C5orf63: variants seen among roughly 807,000 people sequenced by gnomAD.
The protein encoded by C5orf63 is glutaredoxin-like protein C5orf63.
Under a neutral mutation model 13.3 loss-of-function variants are expected in C5orf63, and 18 were observed. That is an observed-to-expected ratio of 1.36 (90% CI 0.94 to 2.01). The LOEUF (loss-of-function observed/expected upper bound fraction) is 2.01, where lower values mean the gene tolerates loss of function less well. C5orf63 is among the 30% of genes most tolerant of loss of function. C5orf63 has a pLI of 0.00. For synonymous variants in C5orf63, 38 were observed against 44.7 expected (o/e 0.85, Z 0.60); for missense variants, 118 against 127.7 (o/e 0.92, Z 0.36).
exon 5 of C5orf63, chr5:127,045,703 C>T (rs1425520230): frequency 6.6e-6 from 1 of 152,190 alleles, no homozygotes; most frequent in Non-Finnish European, 1.5e-5. Flanking sequence ...CATCCTAACT[C>T]TCTTGCTATT....
chr5:127,072,743 C>G (rs1225710286), intron 1 of C5orf63, among the ~76,000 whole-genome samples: 1 of 152,174 alleles, frequency 6.6e-6, no homozygotes, highest in Non-Finnish European at 1.5e-5. Flanking sequence ...GAAAGACAGC[C>G]TTAGAAACAG....
chr5:127,046,077 C>A (rs1322317007), exon 5 of C5orf63: 2 of 152,348 alleles, frequency 1.3e-5, no homozygotes, highest in African/African-American at 4.8e-5. Flanking sequence ...TCCAACCATA[C>A]TCAGTGGGCT....
chr5:127,072,998 T>G (rs1754612277), intron 1 of C5orf63: 1 of 152,116 alleles, frequency 6.6e-6, no homozygotes, highest in African/African-American at 2.4e-5. Flanking sequence ...CTTTCAACCT[T>G]TTCACCCCAA....
downstream of C5orf63, among the ~76,000 whole-genome samples, chr5:127,049,008 A>C (rs1753592819): frequency 6.6e-6 from 1 of 152,122 alleles, no homozygotes; most frequent in Non-Finnish European, 1.5e-5. Flanking sequence ...CAGACACACA[A>C]GTGGAGGACT....
intron 3 of C5orf63, among the ~76,000 whole-genome samples, chr5:127,053,774 T>C (rs1190661767): frequency 6.6e-6 from 1 of 152,366 alleles, no homozygotes; most frequent in East Asian, 1.9e-4. Flanking sequence ...CATCCTTTTT[T>C]ATGGCTGCAT....
intron 3 of C5orf63, among the ~76,000 whole-genome samples, chr5:127,057,470 G>A (rs890770724): frequency 2.6e-5 from 4 of 152,116 alleles, no homozygotes; most frequent in Non-Finnish European, 5.9e-5. Context: ...ATAATTTCAG[G>A]GAGATAAAGC....
intron 2 of C5orf63, among the ~76,000 whole-genome samples, chr5:127,064,689 G>T (rs548913718): frequency 4.7e-4 from 72 of 152,304 alleles, no homozygotes; most frequent in Middle Eastern, 3.4e-3. Flanking sequence ...CAAAGAATCA[G>T]TCTCCAGAAA....
intron 3 of C5orf63, 33 bp downstream of exon 3, chr5:127,058,849 T>C (rs1210871016): frequency 1.5e-6 from 2 of 1,373,414 alleles, no homozygotes; most frequent in African/African-American, 2.9e-5. Flanking sequence ...TACAACTTTC[T>C]TCACCCAACA....
At chr5:127,066,068 C>T (rs987674529) in intron 2 of C5orf63, among the ~76,000 whole-genome samples, 3 of 151,994 alleles carry the variant, frequency 2.0e-5, no homozygotes, top group African/African-American at 7.3e-5. Flanking sequence ...GTGTTGTTTG[C>T]ACTGGAGAGG....
intron 3 of C5orf63, among the ~76,000 whole-genome samples, chr5:127,055,033 G>C (rs139357792): frequency 0.01 from 1,598 of 152,264 alleles, 29 homozygotes; most frequent in African/African-American, 0.029. Flanking sequence ...GTTTGTCAAA[G>C]ATCAGATGGT....
At chr5:127,065,746 G>C (rs1425061689) in intron 2 of C5orf63, among the ~76,000 whole-genome samples, 1 of 152,164 alleles carries the variant, frequency 6.6e-6, no homozygotes, top group Non-Finnish European at 1.5e-5. Flanking sequence ...GCAGCAGCAG[G>C]CAGAAAAGAC....
At chr5:127,063,657 T>C (rs895670936) in intron 2 of C5orf63, among the ~76,000 whole-genome samples, 4 of 152,192 alleles carry the variant, frequency 2.6e-5, no homozygotes, top group Admixed American at 6.5e-5. Context: ...GCCTTGGTTA[T>C]TTAACAGATA....
At chr5:127,058,851 C>T in intron 3 of C5orf63, 31 bp downstream of exon 3, 1 of 1,378,358 alleles carries the variant, frequency 7.3e-7, no homozygotes, top group Non-Finnish European at 1.0e-6. Context: ...CAACTTTCTT[C>T]ACCCAACAAT....
At chr5:127,046,668 G>A (rs1753527208), downstream of C5orf63, 1 of 152,254 alleles carries the variant, frequency 6.6e-6, no homozygotes, top group Non-Finnish European at 1.5e-5. Flanking sequence ...TGTCCTAAAG[G>A]TGGCTCCTTC....
Position 127,052,679 on chromosome 5 carries a change from G to GAA in C5orf63, c.115-12_115-11dup. On this transcript the variant is annotated splice_polypyrimidine_tract_variant and intron_variant, in intron 3 of 4. Transcript: ENST00000296662. ...AAAGGGGGCATGGGTCCTACAGGAA[G>GAA]AAAAAAAACCCAAGCGATTAAACCC... is the stretch of plus-strand genomic sequence containing the variant. 2 of 1,475,556 alleles carry GAA rather than the reference G, an allele frequency of 1.4e-6. No homozygotes were observed. The highest frequency in any genetic ancestry group is 2.5e-5 in the East Asian group (1 of 39,326). 91.4% of individuals were successfully genotyped at this position (1,475,556 alleles called of 1,614,324 possible). A position where few individuals can be genotyped will look rare whatever the true frequency, so the allele number is the denominator to read the frequency against.
At chr5:127,048,664 T>G (rs1753582340), downstream of C5orf63, among the ~76,000 whole-genome samples, 1 of 152,182 alleles carries the variant, frequency 6.6e-6, no homozygotes, top group South Asian at 2.1e-4. Context: ...TTGAGCATCC[T>G]ATATCATGGG....
At chr5:127,063,319 G>A (rs1374100643) in intron 2 of C5orf63, among the ~76,000 whole-genome samples, 3 of 152,162 alleles carry the variant, frequency 2.0e-5, no homozygotes, top group African/African-American at 7.2e-5. Flanking sequence ...ACACCATTAA[G>A]GCAACTGATT....
chr5:127,070,461 G>A (rs2126904084), intron 2 of C5orf63, among the ~76,000 whole-genome samples: 1 of 152,296 alleles, frequency 6.6e-6, no homozygotes, highest in South Asian at 2.1e-4. Context: ...AATCCCATTG[G>A]CAACAGAAGG....
Position 127,051,718 on chromosome 5 carries a change from C to T in C5orf63, c.*53G>A. On this transcript the variant is annotated 3_prime_UTR_variant, in exon 5 of 5. Coordinates refer to ENST00000296662, the MANE Select transcript of C5orf63 (RefSeq NM_001164478.2). ...AATGAGTATCAGGCCATGGTCATTT[C>T]CTTAGGAAGATGCTTTATGGGAAGA... 6.9e-7 allele frequency: 1 copy of T among 1,446,118 alleles called. No homozygotes were observed. The highest frequency in any genetic ancestry group is 9.1e-7 in the Non-Finnish European group (1 of 1,103,840). 89.6% of individuals were successfully genotyped at this position (1,446,118 alleles called of 1,614,324 possible).
Sources: gnomAD v4.1 joint callset for allele counts (sites outside exome capture counted in the v4.1 genomes callset) on GRCh38, gnomAD v4.1.1 for gene constraint, MANE v1.5 for transcripts, NCBI Gene and HGNC (gene_info 2026-07-23, HGNC 2026-07-21) for gene names.